The following KCNK13 variants were observed in gnomAD, a reference collection of about 807,000 sequenced individuals.
KCNK13 encodes the protein potassium channel subfamily K member 13.
Under a neutral mutation model 23.4 loss-of-function variants are expected in KCNK13, and 12 were observed. The ratio of observed to expected loss-of-function variants is 0.51; its 90% CI spans 0.33 to 0.83. The LOEUF (loss-of-function observed/expected upper bound fraction) is 0.83. KCNK13 is among the 40% of genes least tolerant of loss of function. The probability of loss-of-function intolerance (pLI) is 0.02; values close to 1 mark genes in which losing one functional copy is unlikely to be tolerated. For missense variants in KCNK13, 463 were observed against 556.3 expected, an observed-to-expected ratio of 0.83 and a Z score of 1.69; for synonymous variants, 231 against 229.5, an observed-to-expected ratio of 1.01 and a Z score of -0.06.
At chr14:90,120,040 A>G (rs931369946) in intron 1 of KCNK13, among the ~76,000 whole-genome samples, 1 of 152,100 alleles carries the variant, frequency 6.6e-6, no homozygotes, top group Non-Finnish European at 1.5e-5. Context: ...CTCAATAGTT[A>G]TTTTTTCTGC....
At chr14:90,063,047 A>G (rs909700852) in intron 1 of KCNK13, among the ~76,000 whole-genome samples, 1 of 152,304 alleles carries the variant, frequency 6.6e-6, no homozygotes, top group East Asian at 1.9e-4. Context: ...AAAGTGAGGA[A>G]GCAAAAGTGC....
At chr14:90,113,822 A>T (rs1381898770) in intron 1 of KCNK13, among the ~76,000 whole-genome samples, 3 of 152,144 alleles carry the variant, frequency 2.0e-5, no homozygotes, top group African/African-American at 7.2e-5. Flanking sequence ...AGTCCCAGCT[A>T]CTTGGGAGGC....
intron 1 of KCNK13, among the ~76,000 whole-genome samples, chr14:90,132,089 C>T (rs1013641312): frequency 3.3e-5 from 5 of 152,222 alleles, no homozygotes; most frequent in Admixed American, 3.3e-4. Context: ...AATGGAATAT[C>T]ATTTAGCCTT....
At chr14:90,107,276 G>A (rs1041454758) in intron 1 of KCNK13, among the ~76,000 whole-genome samples, 3 of 152,100 alleles carry the variant, frequency 2.0e-5, no homozygotes, top group Non-Finnish European at 4.4e-5. Flanking sequence ...TCAGGAGATT[G>A]AGACCATCCT....
intron 1 of KCNK13, among the ~76,000 whole-genome samples, chr14:90,155,929 T>A (rs12878419): frequency 6.6e-6 from 1 of 152,138 alleles, no homozygotes; most frequent in Non-Finnish European, 1.5e-5. Flanking sequence ...ACAGGCCAGG[T>A]GTGGTGGCTC....
intron 1 of KCNK13, among the ~76,000 whole-genome samples, chr14:90,180,011 A>G (rs1192652887): frequency 6.6e-6 from 1 of 152,178 alleles, no homozygotes; most frequent in African/African-American, 2.4e-5. Context: ...ACACTTGGCT[A>G]ATTTCCTTCC....
intron 1 of KCNK13, among the ~76,000 whole-genome samples, 158 bp from the exon 2 acceptor site, chr14:90,183,953 A>G (rs2140450853): frequency 6.6e-6 from 1 of 152,308 alleles, no homozygotes; most frequent in East Asian, 1.9e-4. Context: ...GTGTCTTCAA[A>G]AGCAGGTGAG....
At chr14:90,148,990 A>T (rs577220755) in intron 1 of KCNK13, among the ~76,000 whole-genome samples, 1 of 152,340 alleles carries the variant, frequency 6.6e-6, no homozygotes. Context: ...GGAAAGGTTT[A>T]TATATTGCAT....
chr14:90,138,850 G>T (rs565125704), intron 1 of KCNK13, among the ~76,000 whole-genome samples: 18 of 152,306 alleles, frequency 1.2e-4, no homozygotes, highest in African/African-American at 4.3e-4. Context: ...CTCTTTGACT[G>T]CTGGTAAGAG....
At chr14:90,097,084 A>G (rs982769625) in intron 1 of KCNK13, among the ~76,000 whole-genome samples, 4 of 152,146 alleles carry the variant, frequency 2.6e-5, no homozygotes, top group South Asian at 2.1e-4. Context: ...CTTGTTTTCT[A>G]TATTTTGTTC....
intron 1 of KCNK13, among the ~76,000 whole-genome samples, chr14:90,182,826 A>T (rs200649735): frequency 8.6e-5 from 6 of 69,516 alleles, no homozygotes; most frequent in African/African-American, 1.1e-4. Flanking sequence ...CCATCTCTTT[A>T]AAAAAAAAAA....
chr14:90,072,144 T>A (rs1889083070), intron 1 of KCNK13, among the ~76,000 whole-genome samples: 1 of 152,150 alleles, frequency 6.6e-6, no homozygotes, highest in African/African-American at 2.4e-5. Flanking sequence ...TCAGCTGATG[T>A]GAATTGCCAG....
At chr14:90,125,619 A>G (rs1321246038) in intron 1 of KCNK13, among the ~76,000 whole-genome samples, 1 of 70,482 alleles carries the variant, frequency 1.4e-5, no homozygotes, top group African/African-American at 5.4e-5. Context: ...ACACACACAC[A>G]CACACACGCG....
chr14:90,088,404 T>A lies in KCNK13; in HGVS notation c.334+25865T>A, dbSNP rs1254710417. ...TTCTGTGGTGTAAATATTCCCACAA[T>A]GGCTGGTTTCAAGCCATAAAAGTGA... On this transcript the variant is annotated intron_variant, in intron 1 of 1. Transcript: ENST00000282146. Among the ~76,000 whole-genome samples, 2 of 152,206 alleles carry A rather than the reference T, an allele frequency of 1.3e-5. 1 individual carries two copies. The highest frequency in any genetic ancestry group is 2.9e-5 in the Non-Finnish European group (2 of 68,036).
At chr14:90,080,538 A>C (rs936158731) in intron 1 of KCNK13, among the ~76,000 whole-genome samples, 2 of 152,240 alleles carry the variant, frequency 1.3e-5, no homozygotes, top group Non-Finnish European at 2.9e-5. Flanking sequence ...GAGGTTCCAG[A>C]TGTCAAAAAA....
At chr14:90,124,535 C>A (rs546866385) in intron 1 of KCNK13, among the ~76,000 whole-genome samples, 3 of 152,230 alleles carry the variant, frequency 2.0e-5, no homozygotes, top group African/African-American at 7.2e-5. Context: ...TGTGGGCAGC[C>A]TCAATAAGCC....
intron 1 of KCNK13, among the ~76,000 whole-genome samples, chr14:90,078,409 G>GAC (rs36004810): frequency 0.63 from 88,057 of 139,220 alleles, 27,649 homozygotes; most frequent in African/African-American, 0.68. Flanking sequence ...GACAGAGCAA[G>GAC]ACAGTCTCAA....
chr14:90,082,314 G>C, intron 1 of KCNK13, among the ~76,000 whole-genome samples: 1 of 151,036 alleles, frequency 6.6e-6, no homozygotes, highest in Non-Finnish European at 1.5e-5. Flanking sequence ...ATCTGCCTAT[G>C]TCGGCCTCCC....
rs188478047 is a variant in KCNK13 at position 90,159,744 on chromosome 14, T to C, written c.335-24367T>C. Among the ~76,000 whole-genome samples, 16 of 152,280 alleles carry C rather than the reference T, an allele frequency of 1.1e-4. No individual in the cohort carries two copies. The East Asian group carries it at 3.1e-3, about 29-fold the overall frequency. On this transcript the variant is annotated intron_variant, in intron 1 of 1. Transcript: ENST00000282146. The stretch of plus-strand genomic sequence containing the variant: ...AGGGTGGTACTGTTAGTATCCTGTT[T>C]TATAGATAAAGAAACTGAGACACAT...
Sources: allele counts gnomAD v4.1 joint callset (sites outside exome capture counted in the v4.1 genomes callset), GRCh38; gene constraint gnomAD v4.1.1; transcripts MANE v1.5; gene names NCBI Gene and HGNC (gene_info 2026-07-23, HGNC 2026-07-21).